The following PLXDC2 variants were observed in gnomAD, a reference collection of about 807,000 sequenced individuals.
PLXDC2 encodes the protein plexin domain containing 2.
In PLXDC2, 40 loss-of-function variants were observed where a neutral mutation model predicts 68.9. The ratio of observed to expected loss-of-function variants is 0.58; its 90% CI spans 0.45 to 0.76. The LOEUF is 0.76. Among genes scored for constraint, PLXDC2 ranks in the 30% least tolerant of loss-of-function variants. The pLI is 0.00. For missense variants in PLXDC2, 644 were observed against 661.9 expected, an observed-to-expected ratio of 0.97 and a Z score of 0.30; for synonymous variants, 243 against 234.2, an observed-to-expected ratio of 1.04 and a Z score of -0.34.
Position 20,054,699 on chromosome 10 carries a change from A to G in PLXDC2, c.471+7684A>G, listed in dbSNP as rs375762347. 2.0e-3 allele frequency among the ~76,000 whole-genome samples: 300 copies of G among 152,010 alleles called. 1 individual carries two copies. The highest frequency in any genetic ancestry group is 7.1e-3 in the African/African-American group (294 of 41,486). On this transcript the variant is annotated intron_variant, in intron 3 of 13. Coordinates refer to ENST00000377252, the MANE Select transcript of PLXDC2 (RefSeq NM_032812.9). ...AGGGGAACATCACACACCGGGGCCT[A>G]TTGTGAGGTGGGGTGAGGGGGGAGG...
Position 19,959,359 on chromosome 10 carries a change from G to T in PLXDC2, c.113-42416G>T, listed in dbSNP as rs1034253547. Among the ~76,000 whole-genome samples, 67 of 152,104 alleles carry T rather than the reference G, an allele frequency of 4.4e-4. 2 individuals carry two copies. The highest frequency in any genetic ancestry group is 2.9e-5 in the Non-Finnish European group (2 of 68,014). On this transcript the variant is annotated intron_variant, in intron 1 of 13. Coordinates refer to ENST00000377252, the MANE Select transcript of PLXDC2 (RefSeq NM_032812.9). ...AGAGCTTATTACTAGAAATAAAGGGGTCAAAGCCTCATCCAACTTTACCTT... is the reference window on the plus strand; with the variant it reads ...AGAGCTTATTACTAGAAATAAAGGGTTCAAAGCCTCATCCAACTTTACCTT...
At chr10:20,231,618 A>G (rs1835365304) in intron 12 of PLXDC2, among the ~76,000 whole-genome samples, 1 of 151,980 alleles carries the variant, frequency 6.6e-6, no homozygotes, top group African/African-American at 2.4e-5. Flanking sequence ...AAACAGACAA[A>G]TAACAGAGAA....
chr10:19,869,584 T>C (rs1042108801), intron 1 of PLXDC2, among the ~76,000 whole-genome samples: 49 of 151,954 alleles, frequency 3.2e-4, no homozygotes, highest in African/African-American at 1.1e-3. Flanking sequence ...AGGAATCTTG[T>C]GAGGATTAAA....
intron 1 of PLXDC2, among the ~76,000 whole-genome samples, chr10:19,898,999 A>G (rs1392285205): frequency 1.3e-5 from 2 of 152,224 alleles, no homozygotes; most frequent in African/African-American, 2.4e-5. Context: ...AAAGAGAAAT[A>G]GAAATGAATA....
intron 1 of PLXDC2, among the ~76,000 whole-genome samples, chr10:19,868,171 C>G (rs1358379509): frequency 6.6e-6 from 1 of 151,968 alleles, no homozygotes; most frequent in African/African-American, 2.4e-5. Flanking sequence ...GTTACATAGA[C>G]AGATTGTGTT....
intron 1 of PLXDC2, among the ~76,000 whole-genome samples, chr10:19,950,946 G>A (rs1318727456): frequency 6.6e-6 from 1 of 152,206 alleles, no homozygotes; most frequent in Non-Finnish European, 1.5e-5. Flanking sequence ...CTAGGCATAT[G>A]CAGAAGAATG....
intron 1 of PLXDC2, among the ~76,000 whole-genome samples, chr10:19,904,238 T>G (rs1838205321): frequency 6.6e-6 from 1 of 152,222 alleles, no homozygotes; most frequent in African/African-American, 2.4e-5. Context: ...TGTTTCTTTG[T>G]TGACTTTCTG....
chr10:19,899,914 T>A (rs72785820), intron 1 of PLXDC2, among the ~76,000 whole-genome samples: 6,937 of 152,286 alleles, frequency 0.046, 196 homozygotes, highest in Middle Eastern at 0.13. Context: ...CAAGAGCATC[T>A]GGTTATTTAA....
chr10:20,152,304 G>C (rs1387601494), intron 6 of PLXDC2, among the ~76,000 whole-genome samples: 2 of 152,112 alleles, frequency 1.3e-5, no homozygotes, highest in Non-Finnish European at 2.9e-5. Context: ...ATAATATTCA[G>C]TGTTTCTTCA....
rs530426192 is a variant in PLXDC2, at chr10:20,145,704, C to T, written c.665-2080C>T. On this transcript the variant is annotated intron_variant, in intron 5 of 13. Transcript: ENST00000377252. ...AGCTGGGACTACAGGCGCCCACCACCACGCCCGGCTAATTTTTTAATATTT... is the reference window on the plus strand; with the variant it reads ...AGCTGGGACTACAGGCGCCCACCACTACGCCCGGCTAATTTTTTAATATTT... Among the ~76,000 whole-genome samples, 6 of 152,172 alleles carry T rather than the reference C, an allele frequency of 3.9e-5. No homozygotes were observed. In the South Asian group the frequency reaches 1.2e-3, roughly 32 times the overall value.
chr10:19,842,149 A>G (rs1166269056), intron 1 of PLXDC2, among the ~76,000 whole-genome samples: 1 of 152,112 alleles, frequency 6.6e-6, no homozygotes. Context: ...ATGGTGGTGC[A>G]TGCCTGTGAT....
At chr10:19,864,129 T>C (rs923626020) in intron 1 of PLXDC2, among the ~76,000 whole-genome samples, 1 of 152,096 alleles carries the variant, frequency 6.6e-6, no homozygotes, top group Non-Finnish European at 1.5e-5. Context: ...GCCTCCTGAG[T>C]AGCTGGCACT....
chr10:20,259,610 A>G (rs1835784892), intron 13 of PLXDC2, among the ~76,000 whole-genome samples: 1 of 152,210 alleles, frequency 6.6e-6, no homozygotes, highest in Admixed American at 6.5e-5. Context: ...GTTTTATGTG[A>G]GAGAAAGCAA....
intron 1 of PLXDC2, among the ~76,000 whole-genome samples, chr10:19,946,000 G>T (rs1212191192): frequency 6.6e-6 from 1 of 152,200 alleles, no homozygotes; most frequent in Non-Finnish European, 1.5e-5. Flanking sequence ...ACCCAATGCT[G>T]CATCCTGCTC....
chr10:19,883,954 C>T (rs1317117154), intron 1 of PLXDC2, among the ~76,000 whole-genome samples: 1 of 126,226 alleles, frequency 7.9e-6, no homozygotes, highest in South Asian at 2.6e-4. Context: ...AGTGTGGTGG[C>T]GTGATTGATC....
chr10:20,155,222 C>T (rs1399620090), intron 6 of PLXDC2, among the ~76,000 whole-genome samples: 1 of 152,034 alleles, frequency 6.6e-6, no homozygotes, highest in African/African-American at 2.4e-5. Context: ...ACTGTAATGA[C>T]CCTTCACTCA....
intron 4 of PLXDC2, among the ~76,000 whole-genome samples, chr10:20,131,025 A>C (rs1589645420): frequency 1.3e-5 from 2 of 152,198 alleles, no homozygotes; most frequent in East Asian, 3.9e-4. Context: ...TTCTCTTCAA[A>C]TTTTTTGGAA....
rs138652068 is a variant in PLXDC2, at chr10:20,046,249, C to G, written c.325-620C>G. 1.1e-3 allele frequency among the ~76,000 whole-genome samples: 172 copies of G among 151,880 alleles called. 2 individuals carry two copies. Among genetic ancestry groups the G allele is most frequent in the African/African-American group, 4.1e-3 (170 of 41,446 alleles). ...CTGGTGACAAATTAGATCTTTGTACCCAGTATATATTTCCTTCCAAGTCTT... is the reference window on the plus strand; with the variant it reads ...CTGGTGACAAATTAGATCTTTGTACGCAGTATATATTTCCTTCCAAGTCTT... On this transcript the variant is annotated intron_variant, in intron 2 of 13. Coordinates refer to ENST00000377252, the MANE Select transcript of PLXDC2 (RefSeq NM_032812.9).
intron 4 of PLXDC2, among the ~76,000 whole-genome samples, chr10:20,102,374 C>A (rs1269193617): frequency 1.3e-5 from 2 of 152,208 alleles, no homozygotes; most frequent in Non-Finnish European, 2.9e-5. Flanking sequence ...AAAAAGAACA[C>A]TCTTTCATGT....
Sources: allele counts gnomAD v4.1 joint callset (sites outside exome capture counted in the v4.1 genomes callset), GRCh38; gene constraint gnomAD v4.1.1; transcripts MANE v1.5; gene names NCBI Gene and HGNC (gene_info 2026-07-23, HGNC 2026-07-21).